ZNF367: variants seen among roughly 807,000 people sequenced by gnomAD.
ZNF367 encodes zinc finger protein 367.
Under a neutral mutation model 31.8 loss-of-function variants are expected in ZNF367, and 11 were observed. The observed-to-expected ratio is 0.35, with a 90% confidence interval of 0.22 to 0.57. The LOEUF is 0.57. Among genes scored for constraint, ZNF367 ranks in the 20% least tolerant of loss-of-function variants. The probability of loss-of-function intolerance (pLI) is 0.85; values close to 1 mark genes in which losing one functional copy is unlikely to be tolerated. For missense variants in ZNF367, 353 were observed against 484.1 expected (o/e 0.73, Z 2.54); for synonymous variants, 199 against 202.4 (o/e 0.98, Z 0.14).
chr9:96,407,728 A>C, intron 1 of ZNF367: 3 of 1,373,384 alleles, frequency 2.2e-6, no homozygotes, highest in Non-Finnish European at 3.0e-6. Flanking sequence ...GAGGATAGTT[A>C]CTAACGTGTG....
chr9:96,407,860 C>A, intron 1 of ZNF367: 1 of 608,452 alleles, frequency 1.6e-6, no homozygotes, highest in Non-Finnish European at 2.7e-6. Flanking sequence ...CCCGCCTTAG[C>A]CTCCCAAAGT....
chr9:96,402,444 C>CTTTTTTTTTTTT (rs1174997133), intron 1 of ZNF367, among the ~76,000 whole-genome samples: 41 of 66,084 alleles, frequency 6.2e-4, no homozygotes, highest in Non-Finnish European at 6.8e-4. Flanking sequence ...TTCTTTCTTT[C>CTTTTTTTTTTTT]TTTTTTTTTT....
chr9:96,398,336 A>C (rs765069247), intron 1 of ZNF367, 22 bp from the exon 2 acceptor site: 6 of 1,584,336 alleles, frequency 3.8e-6, no homozygotes, highest in African/African-American at 1.4e-5. Flanking sequence ...TTTTATAAAC[A>C]TTAATATAAT....
At chr9:96,398,096 A>C in intron 2 of ZNF367, 68 bp downstream of exon 2, 1 of 369,680 alleles carries the variant, frequency 2.7e-6, no homozygotes, top group South Asian at 7.4e-5. Flanking sequence ...TCAAAAAAAA[A>C]AAAAAAAAAA....
At chr9:96,413,594 G>A (rs1831780822) in intron 1 of ZNF367, among the ~76,000 whole-genome samples, 1 of 152,132 alleles carries the variant, frequency 6.6e-6, no homozygotes, top group African/African-American at 2.4e-5. Context: ...AGGGCACAGG[G>A]ACAAGGTGGG....
At chr9:96,404,098 G>A (rs997197478) in intron 1 of ZNF367, among the ~76,000 whole-genome samples, 2 of 152,186 alleles carry the variant, frequency 1.3e-5, no homozygotes, top group African/African-American at 4.8e-5. Context: ...AGGAGGCAGA[G>A]GTTGCAGTGA....
Position 96,418,227 on chromosome 9 carries a change from C to CTG in ZNF367, c.-196_-195insCA. On this transcript the variant is annotated 5_prime_UTR_variant, in exon 1 of 5. Transcript: ENST00000375256. The stretch of plus-strand genomic sequence containing the variant: ...CGGCGGGCAGGGCTGGACCCCAGCC[C>CTG]CAGGTCAAGCGCGCCCTCCGCTCTT... The CTG allele has an allele frequency of 1.3e-6, 1 of 794,018 alleles. No individual in the cohort carries two copies. Among genetic ancestry groups the CTG allele is most frequent in the Non-Finnish European group, 1.7e-6 (1 of 586,302 alleles). 49.2% of individuals were successfully genotyped at this position (794,018 alleles called of 1,614,324 possible).
chr9:96,404,333 G>A (rs916644887), intron 1 of ZNF367, among the ~76,000 whole-genome samples: 1 of 152,110 alleles, frequency 6.6e-6, no homozygotes, highest in African/African-American at 2.4e-5. Context: ...AGTGGCTCAC[G>A]CCTATAATCC....
At position 96,387,480 on chromosome 9, in the gene ZNF367, C is replaced by G. The variant is rs1478903021; in HGVS notation, c.*757G>C. 5.3e-5 allele frequency: 8 copies of G among 152,142 alleles called. No homozygotes were observed. Among genetic ancestry groups the G allele is most frequent in the Non-Finnish European group, 1.5e-5 (1 of 68,028 alleles). 9.4% of individuals were successfully genotyped at this position (152,142 alleles called of 1,614,324 possible). A position where few individuals can be genotyped will look rare whatever the true frequency, so the allele number is the denominator to read the frequency against. On this transcript the variant is annotated 3_prime_UTR_variant, in exon 5 of 5. Transcript: ENST00000375256. ...GTTACCTAGACTTTGCAAGATTAAT[C>G]ACTCAATTTCAGCAAATGAGAAATA...
At chr9:96,398,675 A>C (rs150783948) in intron 1 of ZNF367, among the ~76,000 whole-genome samples, 49 of 152,310 alleles carry the variant, frequency 3.2e-4, no homozygotes, top group African/African-American at 1.2e-3. Flanking sequence ...CATTTATAGC[A>C]ACTCAGCAAA....
chr9:96,394,600 T>C (rs940847264), intron 3 of ZNF367, among the ~76,000 whole-genome samples: 2 of 152,372 alleles, frequency 1.3e-5, no homozygotes, highest in Middle Eastern at 3.4e-3. Context: ...CCTGTAAATA[T>C]GTATACGTAC....
rs1243900482 is a variant in ZNF367 at position 96,417,520 on chromosome 9, G to C, written c.420+93C>G. 9 of 265,408 alleles carry C rather than the reference G, an allele frequency of 3.4e-5. No individual in the cohort carries two copies. Among genetic ancestry groups the C allele is most frequent in the African/African-American group, 6.9e-5 (3 of 43,580 alleles). 16.4% of individuals were successfully genotyped at this position (265,408 alleles called of 1,614,324 possible). ...CCGCAGCCCCCGCCGTAGCCGGATC[G>C]ACCTCGCGTTTTCAACTCCGCCCCG... On this transcript the variant is annotated intron_variant, in intron 1 of 4. Coordinates refer to ENST00000375256, the MANE Select transcript of ZNF367 (RefSeq NM_153695.4). The surrounding 1 kb of genome is among the most constrained non-coding windows in gnomAD (Gnocchi z 5.0).
At position 96,398,158 on chromosome 9, in the gene ZNF367, A is replaced by G. The variant is rs376272170; in HGVS notation, c.571+6T>C. The G allele has an allele frequency of 8.4e-6, 13 of 1,556,222 alleles. No homozygotes were observed. The African/African-American group carries it at 1.1e-4, about 13-fold the overall frequency. ...TGGCAGTCTCTATAAAATTTGCTCAACTTACCTGTATGAGTCCTTTTGTGA... is the reference window on the plus strand; with the variant it reads ...TGGCAGTCTCTATAAAATTTGCTCAGCTTACCTGTATGAGTCCTTTTGTGA... On this transcript the variant is annotated splice_donor_region_variant and intron_variant, in intron 2 of 4. Coordinates refer to ENST00000375256, the MANE Select transcript of ZNF367 (RefSeq NM_153695.4).
chr9:96,403,245 AG>A (rs1433621381), intron 1 of ZNF367, among the ~76,000 whole-genome samples: 1 of 152,078 alleles, frequency 6.6e-6, no homozygotes, highest in Non-Finnish European at 1.5e-5. Context: ...TGGAATTACA[AG>A]CATGAGCCCC....
In ZNF367 at chr9:96,389,302, G is replaced by GAA. The variant is rs11438398; in HGVS notation, c.831-845_831-844dup. ...GTGACAGAGCGAGACTCCGTTTCAA[G>GAA]AAAAAAAAAAAAAAGAAAAATGCAT... On this transcript the variant is annotated intron_variant, in intron 4 of 4. Coordinates refer to ENST00000375256, the MANE Select transcript of ZNF367 (RefSeq NM_153695.4). Among the ~76,000 whole-genome samples, 104 of 112,160 alleles carry GAA rather than the reference G, an allele frequency of 9.3e-4. 1 individual carries two copies. The highest frequency in any genetic ancestry group is 2.3e-3 in the African/African-American group (78 of 34,432). The allele number at this position is 112,160 out of a possible 152,430, so 73.6% of individuals were successfully genotyped here. A position where few individuals can be genotyped will look rare whatever the true frequency, so the allele number is the denominator to read the frequency against.
Position 96,398,087 on chromosome 9 carries a change from C to CAA in ZNF367, c.571+75_571+76dup, listed in dbSNP as rs374810647. On this transcript the variant is annotated intron_variant, in intron 2 of 4. Transcript: ENST00000375256. ...CCTGGGCAACAGAGCGAGACTATCTCAAAAAAAAAAAAAAAAAAAAAAAAA... is the reference window on the plus strand; with the variant it reads ...CCTGGGCAACAGAGCGAGACTATCTCAAAAAAAAAAAAAAAAAAAAAAAAAAA... 196 of 379,700 alleles carry CAA rather than the reference C, an allele frequency of 5.2e-4. 3 individuals are homozygous for CAA. The highest frequency in any genetic ancestry group is 5.9e-4 in the Non-Finnish European group (151 of 256,998). 23.5% of individuals were successfully genotyped at this position (379,700 alleles called of 1,614,324 possible).
At chr9:96,391,926 G>A (rs1471219181) in intron 4 of ZNF367, among the ~76,000 whole-genome samples, 10 of 152,086 alleles carry the variant, frequency 6.6e-5, no homozygotes, top group African/African-American at 1.4e-4. Flanking sequence ...TTATAGGCAC[G>A]TGCCACTACT....
rs756633856 is a variant in ZNF367 at position 96,388,348 on chromosome 9, G to A, written c.942C>T (p.Asp314=). Residue 314 remains aspartate, a synonymous_variant, in exon 5 of 5, where the codon GAC becomes GAT. Coordinates refer to ENST00000375256, the MANE Select transcript of ZNF367 (RefSeq NM_153695.4). ...GGCGCTGGGCCCCTCTCTTCTCGTCGTCCTCTTCATCAGACTGAAGGTATT... is the reference window on the plus strand; with the variant it reads ...GGCGCTGGGCCCCTCTCTTCTCGTCATCCTCTTCATCAGACTGAAGGTATT... ...PLEYLQSDEE[D]DEKRGAQRRL... The A allele has an allele frequency of 8.7e-6, 14 of 1,613,214 alleles. No individual in the cohort carries two copies. Among genetic ancestry groups the A allele is most frequent in the South Asian group, 1.1e-5 (1 of 91,038 alleles).
At chr9:96,395,298 A>G (rs1831517887) in intron 2 of ZNF367, among the ~76,000 whole-genome samples, 1 of 152,062 alleles carries the variant, frequency 6.6e-6, no homozygotes, top group Non-Finnish European at 1.5e-5. Flanking sequence ...CCCTCCCACT[A>G]GGATGAACCC....
Sources: allele counts gnomAD v4.1 joint callset (sites outside exome capture counted in the v4.1 genomes callset), GRCh38; gene constraint gnomAD v4.1.1; non-coding constraint Gnocchi (gnomAD v3.1); transcripts MANE v1.5; gene names NCBI Gene and HGNC (gene_info 2026-07-23, HGNC 2026-07-21).